The following IL11RA variants were observed in gnomAD, a reference collection of about 807,000 sequenced individuals.
The protein encoded by IL11RA is interleukin 11 receptor subunit alpha.
Under a neutral mutation model 57.0 loss-of-function variants are expected in IL11RA, and 51 were observed. The observed-to-expected ratio is 0.89, with a 90% CI of 0.71 to 1.13. The LOEUF is 1.13. Ranked by LOEUF, IL11RA falls within the 50% of genes most tolerant of loss-of-function variation. The pLI is 0.00. For synonymous variants in IL11RA, 199 were observed against 217.5 expected, an observed-to-expected ratio of 0.91 and a Z score of 0.75; for missense variants, 498 against 539.4, an observed-to-expected ratio of 0.92 and a Z score of 0.76.
At position 34,660,569 on chromosome 9, in the gene IL11RA, C is replaced by T. The variant is rs1241944108; in HGVS notation, c.1138C>T (p.Leu380=). The T allele has an allele frequency of 6.2e-7, 1 of 1,614,140 alleles. No individual in the cohort carries two copies. The highest frequency in any genetic ancestry group is 2.2e-5 in the East Asian group (1 of 44,878). Residue 380 remains leucine (L), a synonymous_variant, in exon 11 of 13, where the codon CTG becomes TTG. Transcript: ENST00000441545. ...ASLGILSFLG[L]VAGALALGLW... ...TTTGGGAATCCTTTCTTTCCTGGGACTGGTGGCTGGGGCCCTGGCACTGGG... is the reference window on the plus strand; with the variant it reads ...TTTGGGAATCCTTTCTTTCCTGGGATTGGTGGCTGGGGCCCTGGCACTGGG...
rs1194608900 is a variant in IL11RA at position 34,653,305 on chromosome 9, AGAGTGTATG to A, written c.-1+1073_-1+1081del. 6.6e-6 allele frequency among the ~76,000 whole-genome samples: 1 copy of A among 152,046 alleles called. No homozygotes were observed. Among genetic ancestry groups the A allele is most frequent in the Non-Finnish European group, 1.5e-5 (1 of 68,008 alleles). The stretch of plus-strand genomic sequence containing the variant: ...GTGTGACTGTGAGTGACCGCATGTG[AGAGTGTATG>A]AGTCTGAGGGTAACTGTGGGTCTTG... On this transcript the variant is annotated intron_variant, in intron 1 of 12. Transcript: ENST00000441545. This position sits in a 1 kb window ranked among gnomAD's most constrained non-coding sequence, Gnocchi z 4.5.
At chr9:34,655,107 A>C (rs184205817) in intron 1 of IL11RA, 111 bp from the exon 2 acceptor site, 1 of 763,900 alleles carries the variant, frequency 1.3e-6, no homozygotes, top group African/African-American at 1.7e-5. Context: ...GCCTTACCCC[A>C]CTTGGTGCAT....
intron 12 of IL11RA, 115 bp from the exon 13 acceptor site, chr9:34,661,367 T>G: frequency 3.5e-6 from 4 of 1,142,776 alleles, no homozygotes; most frequent in Non-Finnish European, 5.3e-6. Flanking sequence ...GCTGGGCTCC[T>G]CTACTCATCT....
rs1020616428 is a variant in IL11RA, at chr9:34,655,016, T to TGTGTGTGC, written c.1-201_1-200insTGTGTGCG. On this transcript the variant is annotated intron_variant, in intron 1 of 12. Coordinates refer to ENST00000441545, the MANE Select transcript of IL11RA (RefSeq NM_001142784.3). ...GTCCGTGTGTGTGTGTGTGTGTGTG[T>TGTGTGTGC]GCGCGCGCACGCACATGCAAAGCAC... The TGTGTGTGC allele has an allele frequency of 1.1e-5, 6 of 557,802 alleles. No individual in the cohort carries two copies. The African/African-American group carries it at 1.2e-4, about 11-fold the overall frequency. The allele number at this position is 557,802 out of a possible 1,614,324, so 34.6% of individuals were successfully genotyped here.
chr9:34,653,510 A>G lies in IL11RA; in HGVS notation c.-1+1277A>G, dbSNP rs1821288378. ...TTCCCCTGGAAGCACAGCCAGCTGT[A>G]CCCTAAGGAAACATTTGGTGAGGAG... On this transcript the variant is annotated intron_variant, in intron 1 of 12. Transcript: ENST00000441545. This position sits in a 1 kb window ranked among gnomAD's most constrained non-coding sequence, Gnocchi z 4.5. 6.6e-6 allele frequency among the ~76,000 whole-genome samples: 1 copy of G among 152,062 alleles called. No homozygotes were observed. Among genetic ancestry groups the G allele is most frequent in the South Asian group, 2.1e-4 (1 of 4,822 alleles).
In IL11RA at chr9:34,656,825, A is replaced by G. The variant is rs754479547; in HGVS notation, c.248A>G (p.Gln83Arg). The stretch of plus-strand genomic sequence containing the variant: ...CTAGGGCATGAACTGGTCCTGGCCC[A>G]GGCAGACAGCACTGATGAGGGCACC... ...SGLGHELVLA[Q>R]ADSTDEGTYI... The change falls in exon 4 of 13, where the codon CAG becomes CGG. Residue 83 changes from glutamine (Q) to arginine (R), a missense_variant. By Grantham distance (43) the Gln-to-Arg change is conservative. Coordinates refer to ENST00000441545, the MANE Select transcript of IL11RA (RefSeq NM_001142784.3). 6.2e-7 allele frequency: 1 copy of G among 1,614,202 alleles called. No individual in the cohort carries two copies. The highest frequency in any genetic ancestry group is 8.5e-7 in the Non-Finnish European group (1 of 1,180,018).
chr9:34,656,040 T>C, intron 3 of IL11RA: 1 of 315,918 alleles, frequency 3.2e-6, no homozygotes. Context: ...GTTACTTTTT[T>C]TTTTTTTTTT....
In IL11RA at chr9:34,661,874, A is replaced by G; in HGVS notation, c.*376A>G. ...TGTGCAGGTGTGAATAAAGAGAATA[A>G]GGAAGTTCTTGGAGATTATACTCAG... On this transcript the variant is annotated 3_prime_UTR_variant, in exon 13 of 13. Coordinates refer to ENST00000441545, the MANE Select transcript of IL11RA (RefSeq NM_001142784.3). 6.4e-7 allele frequency: 1 copy of G among 1,565,566 alleles called. No homozygotes were observed. Among genetic ancestry groups the G allele is most frequent in the Admixed American group, 1.7e-5 (1 of 58,692 alleles).
chr9:34,652,994 T>G (rs1476210883), intron 1 of IL11RA, among the ~76,000 whole-genome samples: 1 of 152,200 alleles, frequency 6.6e-6, no homozygotes, highest in Non-Finnish European at 1.5e-5. Context: ...TCTCTCTGTG[T>G]GGGTGCATTT....
rs1821463712 is a variant in IL11RA at position 34,661,833 on chromosome 9, T to C, written c.*335T>C. On this transcript the variant is annotated 3_prime_UTR_variant, in exon 13 of 13. Transcript: ENST00000441545. ...TGTGTGGGTCCTTGGCTCTTGGCCT[T>C]TCCCCTTGCAGGGGTTGTGCAGGTG... The C allele has an allele frequency of 4.5e-6, 6 of 1,321,736 alleles. No homozygotes were observed. Among genetic ancestry groups the C allele is most frequent in the Admixed American group, 1.9e-5 (1 of 52,422 alleles). 81.9% of individuals were successfully genotyped at this position (1,321,736 alleles called of 1,614,324 possible). A position where few individuals can be genotyped will look rare whatever the true frequency, so the allele number is the denominator to read the frequency against.
In IL11RA at chr9:34,658,907, T is replaced by C. The variant is rs757441993; in HGVS notation, c.810+224T>C. On this transcript the variant is annotated intron_variant, in intron 8 of 12. Transcript: ENST00000441545. This position sits in a 1 kb window ranked among gnomAD's most constrained non-coding sequence, Gnocchi z 4.0. ...GAGGTAAAGCACATCTGTGGGAAGA[T>C]AGCAATGGCTTTTAAAAAAATAACT... is the stretch of plus-strand genomic sequence containing the variant. Among the ~76,000 whole-genome samples the C allele has an allele frequency of 2.6e-5, 4 of 152,086 alleles. No homozygotes were observed. Among genetic ancestry groups the C allele is most frequent in the Non-Finnish European group, 2.9e-5 (2 of 68,026 alleles).
intron 3 of IL11RA, 22 bp from the exon 4 acceptor site, chr9:34,656,717 T>C: frequency 6.2e-7 from 1 of 1,614,044 alleles, no homozygotes; most frequent in South Asian, 1.1e-5. Flanking sequence ...CTTTGTCCAT[T>C]GTCACCTCAT....
intron 8 of IL11RA, among the ~76,000 whole-genome samples, chr9:34,659,160 C>T (rs1335376127): frequency 6.6e-6 from 1 of 152,086 alleles, no homozygotes. Flanking sequence ...CATGACCTCA[C>T]GATCTGCCCA....
chr9:34,658,522 C>T lies in IL11RA; in HGVS notation c.649C>T (p.Arg217Cys), dbSNP rs377108939. ...ACTTTGTGTCTTGATGCCCTTAGTG[C>T]GCCCTGACCCACCCCAGGGCCTGCG... ...LLDVSLQSIL[R>C]PDPPQGLRVE... The change falls in exon 8 of 13, where the codon CGC becomes TGC. Residue 217 changes from arginine (R) to cysteine (C), a missense_variant and splice_region_variant. Physicochemically the swap from Arg to Cys is radical, Grantham distance 180. Coordinates refer to ENST00000441545, the MANE Select transcript of IL11RA (RefSeq NM_001142784.3). This position sits in a 1 kb window ranked among gnomAD's most constrained non-coding sequence, Gnocchi z 4.0. 6.1e-5 allele frequency: 99 copies of T among 1,614,120 alleles called. No individual in the cohort carries two copies. The highest frequency in any genetic ancestry group is 2.9e-4 in the East Asian group (13 of 44,886).
chr9:34,657,562 G>C lies in IL11RA; in HGVS notation c.621G>C (p.Leu207=), dbSNP rs2132356415. The C allele has an allele frequency of 2.5e-6, 4 of 1,614,146 alleles. 1 individual carries two copies. In the Middle Eastern group the frequency reaches 6.6e-4, roughly 266 times the overall value. ...EVNPLGASTR[L]LDVSLQSILR... is the part of the protein sequence containing the mutation. Reference sequence around the variant, plus strand: ...ACCCACTGGGTGCCAGCACACGCCTGCTGGATGTGAGCTTGCAGAGCATCT... The same window carrying C: ...ACCCACTGGGTGCCAGCACACGCCTCCTGGATGTGAGCTTGCAGAGCATCT... Residue 207 remains leucine (L), a synonymous_variant, in exon 7 of 13, where the codon CTG becomes CTC. Transcript: ENST00000441545.
chr9:34,659,665 A>G, intron 8 of IL11RA, 94 bp from the exon 9 acceptor site: 1 of 1,495,358 alleles, frequency 6.7e-7, no homozygotes, highest in Non-Finnish European at 9.3e-7. Context: ...AGGCTTTAGG[A>G]TGAGACTGGG....
intron 8 of IL11RA, 106 bp from the exon 9 acceptor site, chr9:34,659,653 C>T: frequency 7.1e-7 from 1 of 1,407,456 alleles, no homozygotes; most frequent in Non-Finnish European, 1.0e-6. Flanking sequence ...GACAGCTCCA[C>T]TAGGCTTTAG....
rs201448237 is a variant in IL11RA at position 34,660,485 on chromosome 9, A to G, written c.1073-19A>G. Reference sequence around the variant, plus strand: ...CTTGGTCAGGCTTGCTCTCAGTGACATGTGGCCCTCCCCCTCAGATCACAG... The same window carrying G: ...CTTGGTCAGGCTTGCTCTCAGTGACGTGTGGCCCTCCCCCTCAGATCACAG... On this transcript the variant is annotated intron_variant, in intron 10 of 12. Coordinates refer to ENST00000441545, the MANE Select transcript of IL11RA (RefSeq NM_001142784.3). The G allele has an allele frequency of 4.8e-5, 77 of 1,613,958 alleles. 1 individual carries two copies. Among genetic ancestry groups the G allele is most frequent in the Non-Finnish European group, 3.4e-6 (4 of 1,179,864 alleles).
Position 34,657,598 on chromosome 9 carries a change from ACCCCAGACCTC to A in IL11RA, c.646+21_646+31del. On this transcript the variant is annotated intron_variant, in intron 7 of 12. Transcript: ENST00000441545. ...GCTTGCAGAGCATCTGTGAGTACCC[ACCCCAGACCTC>A]CCCCAGACCCCCATCACAGAGACCC... 1 of 1,603,880 alleles carries A rather than the reference ACCCCAGACCTC, an allele frequency of 6.2e-7. No individual in the cohort carries two copies. Among genetic ancestry groups the A allele is most frequent in the Non-Finnish European group, 8.5e-7 (1 of 1,173,892 alleles).
Sources: gnomAD v4.1 joint callset for allele counts (sites outside exome capture counted in the v4.1 genomes callset) on GRCh38, gnomAD v4.1.1 for gene constraint, Gnocchi (gnomAD v3.1) non-coding constraint, MANE v1.5 for transcripts, NCBI Gene and HGNC (gene_info 2026-07-23, HGNC 2026-07-21) for gene names.